The following LYRM4 variants were observed in gnomAD, a reference collection of about 807,000 sequenced individuals.
LYRM4 encodes LYR motif-containing protein 4.
Under a neutral mutation model 11.7 loss-of-function variants are expected in LYRM4, and 9 were observed. The ratio of observed to expected loss-of-function variants is 0.77; its 90% CI spans 0.46 to 1.34. The LOEUF (loss-of-function observed/expected upper bound fraction) is 1.34. Among genes scored for constraint, LYRM4 ranks in the 40% most tolerant of loss-of-function variants. The pLI is 0.00. For missense variants in LYRM4, 133 were observed against 112.5 expected (o/e 1.18, Z -0.82); for synonymous variants, 42 against 40.4 (o/e 1.04, Z -0.15).
chr6:5,105,411 T>A (rs1436060741), downstream of LYRM4: 2 of 152,364 alleles, frequency 1.3e-5, no homozygotes, highest in Non-Finnish European at 2.9e-5. Context: ...GAAGTCACCA[T>A]CGCTTGCCTG....
chr6:5,113,150 T>C (rs1762959292), intron 2 of LYRM4: 1 of 275,392 alleles, frequency 3.6e-6, no homozygotes, highest in Non-Finnish European at 7.3e-6. Context: ...AGAGTGCAGG[T>C]GAGGATGGGT....
chr6:5,101,270 CAT>C (rs1762491556), downstream of LYRM4, among the ~76,000 whole-genome samples: 1 of 152,248 alleles, frequency 6.6e-6, no homozygotes, highest in African/African-American at 2.4e-5. Context: ...TATTTACATA[CAT>C]GTCTTAAGGA....
At chr6:5,249,874 A>G (rs1431733197) in intron 1 of LYRM4, among the ~76,000 whole-genome samples, 2 of 152,212 alleles carry the variant, frequency 1.3e-5, no homozygotes, top group African/African-American at 2.4e-5. Context: ...AAAGGGGTAT[A>G]CAGGAGAAGT....
the LYRM4 span, among the ~76,000 whole-genome samples, chr6:5,061,537 C>G: frequency 1.3e-5 from 2 of 152,186 alleles, no homozygotes; most frequent in Non-Finnish European, 2.9e-5. Flanking sequence ...TTTTCACTTA[C>G]CAGGCTTACG....
At chr6:5,230,957 A>T (rs1406101067) in intron 1 of LYRM4, among the ~76,000 whole-genome samples, 1 of 152,180 alleles carries the variant, frequency 6.6e-6, no homozygotes, top group Non-Finnish European at 1.5e-5. Flanking sequence ...TTACTGGGCT[A>T]TTCAGAAGGA....
intron 2 of LYRM4, 95 bp from the exon 3 acceptor site, chr6:5,109,586 G>C: frequency 3.0e-6 from 4 of 1,316,296 alleles, no homozygotes; most frequent in Non-Finnish European, 3.3e-6. Context: ...TAATACAAAC[G>C]TCGGCCATCC....
At chr6:5,258,902 G>A (rs1764804597) in intron 1 of LYRM4, among the ~76,000 whole-genome samples, 1 of 152,148 alleles carries the variant, frequency 6.6e-6, no homozygotes, top group Non-Finnish European at 1.5e-5. Context: ...TTCCTGTTGA[G>A]TTTCGTGAAT....
intron 2 of LYRM4, among the ~76,000 whole-genome samples, chr6:5,207,228 A>G (rs145149317): frequency 1.9e-4 from 29 of 152,316 alleles, no homozygotes; most frequent in African/African-American, 6.7e-4. Context: ...TCCCAACAGC[A>G]CTGATGAAAT....
chr6:5,033,311 G>GGCTTAGGGAAACATGAA, the LYRM4 span: 1 of 152,092 alleles, frequency 6.6e-6, no homozygotes, highest in Admixed American at 6.5e-5. Context: ...CTTTATGCTA[G>GGCTTAGGGAAACATGAA]ACATGAAACA....
At chr6:5,235,769 C>A (rs1763504255) in intron 1 of LYRM4, among the ~76,000 whole-genome samples, 1 of 151,132 alleles carries the variant, frequency 6.6e-6, no homozygotes, top group Non-Finnish European at 1.5e-5. Flanking sequence ...AAGAACATAG[C>A]TCAAGGTCTG....
At chr6:5,085,674 A>G in the LYRM4 span, 4 of 1,548,260 alleles carry the variant, frequency 2.6e-6, no homozygotes, top group Non-Finnish European at 3.5e-6. Context: ...CCCCGAAGGA[A>G]GAGGCCGCCC....
At chr6:5,253,938 T>C (rs1298189692) in intron 1 of LYRM4, among the ~76,000 whole-genome samples, 2 of 152,146 alleles carry the variant, frequency 1.3e-5, no homozygotes, top group Admixed American at 6.6e-5. Flanking sequence ...AAGTGGATTT[T>C]ATGTGACAAC....
chr6:5,240,738 ATAAT>A (rs1349749201), intron 1 of LYRM4: 1 of 152,246 alleles, frequency 6.6e-6, no homozygotes, highest in African/African-American at 2.4e-5. Flanking sequence ...GAAAATGAAA[ATAAT>A]TATTTAGGGA....
chr6:5,138,886 C>A, intron 2 of LYRM4: 1 of 591,436 alleles, frequency 1.7e-6, no homozygotes, highest in Non-Finnish European at 2.9e-6. Flanking sequence ...TAGACATAGA[C>A]ATTTTGCTCT....
intron 2 of LYRM4, among the ~76,000 whole-genome samples, chr6:5,215,972 C>T (rs545807454): frequency 2.4e-4 from 37 of 152,192 alleles, no homozygotes; most frequent in African/African-American, 5.8e-4. Context: ...ATTACTCTTG[C>T]GGATGTTATC....
At chr6:5,037,571 T>C in the LYRM4 span, among the ~76,000 whole-genome samples, 1 of 82,112 alleles carries the variant, frequency 1.2e-5, no homozygotes, top group African/African-American at 3.5e-5. Context: ...GCTCCTCACT[T>C]CCCAGTAGGG....
At chr6:5,248,809 C>T (rs1361223693) in intron 1 of LYRM4, among the ~76,000 whole-genome samples, 3 of 152,224 alleles carry the variant, frequency 2.0e-5, no homozygotes, top group East Asian at 1.9e-4. Flanking sequence ...GTCTATGCCC[C>T]GAACTACAGG....
At chr6:5,125,862 AT>A in intron 2 of LYRM4, among the ~76,000 whole-genome samples, 1 of 152,198 alleles carries the variant, frequency 6.6e-6, no homozygotes, top group Middle Eastern at 3.4e-3. Flanking sequence ...CTTTGGACCC[AT>A]TTCTGATGTG....
chr6:5,131,237 A>G (rs1332466484), intron 2 of LYRM4, among the ~76,000 whole-genome samples: 1 of 152,268 alleles, frequency 6.6e-6, no homozygotes, highest in Non-Finnish European at 1.5e-5. Flanking sequence ...ATAAGACTGT[A>G]GCGAAGTATA....
Sources: gnomAD v4.1 joint callset for allele counts (sites outside exome capture counted in the v4.1 genomes callset) on GRCh38, gnomAD v4.1.1 for gene constraint, MANE v1.5 for transcripts, NCBI Gene and HGNC (gene_info 2026-07-23, HGNC 2026-07-21) for gene names.